Variants in MED12L observed in about 807,000 individuals in gnomAD.
The protein encoded by MED12L is mediator complex subunit 12L.
Under a neutral mutation model 281.3 loss-of-function variants are expected in MED12L, and 60 were observed. That is an observed-to-expected ratio of 0.21 (90% CI 0.17 to 0.26). The LOEUF (loss-of-function observed/expected upper bound fraction) is 0.26. Ranked by LOEUF, MED12L falls within the 10% of genes least tolerant of loss-of-function variation. The pLI, the probability that MED12L is intolerant of heterozygous loss-of-function variation, is 1.00. For synonymous variants in MED12L, 974 were observed against 987.2 expected (o/e 0.99, Z 0.25); for missense variants, 2,146 against 2,680.9 (o/e 0.80, Z 4.41).
At chr3:151,248,583 G>T (rs970720763) in intron 16 of MED12L, among the ~76,000 whole-genome samples, 3 of 151,894 alleles carry the variant, frequency 2.0e-5, no homozygotes, top group African/African-American at 7.3e-5. Flanking sequence ...CCGACTGTCT[G>T]GATAATAAGT....
intron 2 of MED12L, among the ~76,000 whole-genome samples, chr3:151,099,700 A>G (rs1381065310): frequency 6.7e-6 from 1 of 148,984 alleles, no homozygotes; most frequent in Non-Finnish European, 1.5e-5. Context: ...ACTGTTGGGT[A>G]GGTAGATCAA....
chr3:151,195,528 G>A (rs932634878), intron 16 of MED12L, among the ~76,000 whole-genome samples: 4 of 151,964 alleles, frequency 2.6e-5, no homozygotes, highest in African/African-American at 9.7e-5. Flanking sequence ...TAATATCTAT[G>A]CTTTTCTACT....
chr3:151,277,373 G>A (rs576008512), intron 16 of MED12L, among the ~76,000 whole-genome samples: 61 of 152,110 alleles, frequency 4.0e-4, no homozygotes, highest in South Asian at 1.0e-3. Context: ...TGCCATTTTG[G>A]TATTTTCCGA....
At chr3:151,243,139 C>T (rs1195881488) in intron 16 of MED12L, among the ~76,000 whole-genome samples, 1 of 152,040 alleles carries the variant, frequency 6.6e-6, no homozygotes, top group Admixed American at 6.5e-5. Flanking sequence ...TCTATGTCTG[C>T]TTGGTGTACC....
chr3:151,273,388 C>A (rs910111826), intron 16 of MED12L, among the ~76,000 whole-genome samples: 2 of 145,486 alleles, frequency 1.4e-5, no homozygotes, highest in African/African-American at 2.5e-5. Flanking sequence ...CCACCATGCC[C>A]GGCTAATTTT....
At chr3:151,156,941 G>A (rs1370850969) in intron 6 of MED12L, among the ~76,000 whole-genome samples, 4 of 152,160 alleles carry the variant, frequency 2.6e-5, no homozygotes. Context: ...ATTAAAGAGG[G>A]AGGGGACATG....
In MED12L at chr3:151,226,014, G is replaced by A. The variant is rs932923791; in HGVS notation, c.2250+32348G>A. Among the ~76,000 whole-genome samples the A allele has an allele frequency of 1.1e-4, 17 of 152,212 alleles. 2 individuals are homozygous for A. The South Asian group carries it at 2.3e-3, about 20-fold the overall frequency. ...TTGTTCATTTGCTCACTATAAAGCC[G>A]TCAGAACATGCTGCCATGCCCTATG... is the stretch of plus-strand genomic sequence containing the variant. On this transcript the variant is annotated intron_variant, in intron 16 of 44. Coordinates refer to ENST00000687756, the MANE Select transcript of MED12L (RefSeq NM_001393769.1).
At position 151,086,812 on chromosome 3, in the gene MED12L, A is replaced by C; in HGVS notation, c.-115A>C. The stretch of plus-strand genomic sequence containing the variant: ...CCTGCCTGCAGCGCCACAGCGAGCG[A>C]GCGAGCGAGGAGGGGGAGAGAGGGA... On this transcript the variant is annotated 5_prime_UTR_variant, in exon 2 of 45. Coordinates refer to ENST00000687756, the MANE Select transcript of MED12L (RefSeq NM_001393769.1). The C allele has an allele frequency of 2.6e-6, 2 of 776,262 alleles. No individual in the cohort carries two copies. Among genetic ancestry groups the C allele is most frequent in the Non-Finnish European group, 4.1e-6 (2 of 491,810 alleles). 48.1% of individuals were successfully genotyped at this position (776,262 alleles called of 1,614,324 possible). A position where few individuals can be genotyped will look rare whatever the true frequency, so the allele number is the denominator to read the frequency against.
chr3:151,373,633 C>T (rs1251830473), intron 27 of MED12L, among the ~76,000 whole-genome samples: 1 of 151,692 alleles, frequency 6.6e-6, no homozygotes, highest in Non-Finnish European at 1.5e-5. Context: ...AAGAGCCTGC[C>T]CTCCTCTCCC....
intron 11 of MED12L, among the ~76,000 whole-genome samples, chr3:151,174,820 T>G (rs1721845291): frequency 6.6e-6 from 1 of 152,154 alleles, no homozygotes; most frequent in African/African-American, 2.4e-5. Flanking sequence ...TGGGCTCATG[T>G]GATCCCCAGC....
intron 16 of MED12L, chr3:151,300,001 C>G: frequency 9.0e-7 from 1 of 1,105,682 alleles, no homozygotes; most frequent in Non-Finnish European, 1.4e-6. Context: ...CCCCAAATTC[C>G]CAAACAGTGG....
chr3:151,413,093 T>C (rs1448685855), intron 41 of MED12L, 46 bp from the exon 42 acceptor site: 1 of 1,580,688 alleles, frequency 6.3e-7, no homozygotes, highest in Non-Finnish European at 8.6e-7. Context: ...ATTAAAAGTT[T>C]GACATTATGC....
chr3:151,318,231 TTAA>T (rs776363187), intron 16 of MED12L, among the ~76,000 whole-genome samples: 1 of 152,160 alleles, frequency 6.6e-6, no homozygotes, highest in African/African-American at 2.4e-5. Context: ...ATTAGCCAAC[TTAA>T]TAATGGCCTA....
At position 151,165,411 on chromosome 3, in the gene MED12L, A is replaced by T; in HGVS notation, c.1258-9A>T. 6.2e-7 allele frequency: 1 copy of T among 1,611,394 alleles called. No individual in the cohort carries two copies. The highest frequency in any genetic ancestry group is 8.5e-7 in the Non-Finnish European group (1 of 1,177,626). ...AAGCACAAGTTAATTAGAAGCGATT[A>T]TCTTTCAGGTTCGGGCAAGGATTTA... On this transcript the variant is annotated splice_polypyrimidine_tract_variant and intron_variant, in intron 9 of 44. Coordinates refer to ENST00000687756, the MANE Select transcript of MED12L (RefSeq NM_001393769.1).
intron 16 of MED12L, among the ~76,000 whole-genome samples, chr3:151,259,536 C>T (rs531116322): frequency 4.6e-5 from 7 of 152,236 alleles, no homozygotes; most frequent in Non-Finnish European, 8.8e-5. Flanking sequence ...TATGTGTTCA[C>T]CCTAAGAATA....
At chr3:151,098,062 C>T (rs762547180) in intron 2 of MED12L, among the ~76,000 whole-genome samples, 2 of 152,130 alleles carry the variant, frequency 1.3e-5, no homozygotes, top group Admixed American at 6.5e-5. Context: ...GGTGTGCCTT[C>T]GGCTGTGGGC....
At chr3:151,209,010 T>C (rs1308200598) in intron 16 of MED12L, among the ~76,000 whole-genome samples, 1 of 152,148 alleles carries the variant, frequency 6.6e-6, no homozygotes, top group Non-Finnish European at 1.5e-5. Context: ...TGATACAATA[T>C]TTAGGAAGTG....
chr3:151,250,340 A>G (rs1010041252), intron 16 of MED12L, among the ~76,000 whole-genome samples: 9 of 152,196 alleles, frequency 5.9e-5, no homozygotes, highest in African/African-American at 2.2e-4. Context: ...CGTTAATTAC[A>G]TTCACATTGT....
At chr3:151,353,505 C>T (rs1367111483) in intron 17 of MED12L, among the ~76,000 whole-genome samples, 1 of 152,164 alleles carries the variant, frequency 6.6e-6, no homozygotes, top group Non-Finnish European at 1.5e-5. Context: ...ACTTATGTTA[C>T]CCCAGCACCT....
Sources: allele counts gnomAD v4.1 joint callset (sites outside exome capture counted in the v4.1 genomes callset), GRCh38; gene constraint gnomAD v4.1.1; transcripts MANE v1.5; gene names NCBI Gene and HGNC (gene_info 2026-07-23, HGNC 2026-07-21).